The following ARRB1 variants were observed in gnomAD, a reference collection of about 807,000 sequenced individuals.
ARRB1 encodes the protein beta-arrestin-1.
In ARRB1, 21 loss-of-function variants were observed where a neutral mutation model predicts 56.8. The ratio of observed to expected loss-of-function variants is 0.37; its 90% CI spans 0.26 to 0.53. ARRB1 has a LOEUF of 0.53. Among genes scored for constraint, ARRB1 ranks in the 20% least tolerant of loss-of-function variants. ARRB1 has a pLI of 0.88. For missense variants in ARRB1, 424 were observed against 553.7 expected (o/e 0.77, Z 2.35); for synonymous variants, 210 against 218.6 (o/e 0.96, Z 0.35).
At chr11:75,334,565 CCCAGGACAAG>C (rs1391018615) in intron 1 of ARRB1, among the ~76,000 whole-genome samples, 2 of 152,200 alleles carry the variant, frequency 1.3e-5, no homozygotes, top group Non-Finnish European at 2.9e-5. Context: ...TTCCTGAGCT[CCCAGGACAAG>C]CCTGGGGCTA....
chr11:75,272,694 G>A lies in ARRB1; in HGVS notation c.998+201C>T. 3 of 580,032 alleles carry A rather than the reference G, an allele frequency of 5.2e-6. No homozygotes were observed. In the South Asian group the frequency reaches 6.1e-5, roughly 12 times the overall value. 35.9% of individuals were successfully genotyped at this position (580,032 alleles called of 1,614,324 possible). ...GATGGGTGGGGGTAAGAGAGGGGCT[G>A]AGGGCCAAGGAAGGAAGAGAGGGAA... On this transcript the variant is annotated intron_variant, in intron 12 of 15. Coordinates refer to ENST00000420843, the MANE Select transcript of ARRB1 (RefSeq NM_004041.5).
At chr11:75,306,766 TC>T (rs1436401410) in intron 1 of ARRB1, 2 of 929,040 alleles carry the variant, frequency 2.2e-6, no homozygotes, top group East Asian at 1.2e-4. Flanking sequence ...CTGATACGCG[TC>T]CTGTTTCCTC....
At chr11:75,317,512 A>G (rs894388200) in intron 1 of ARRB1, among the ~76,000 whole-genome samples, 2 of 152,134 alleles carry the variant, frequency 1.3e-5, no homozygotes, top group African/African-American at 4.8e-5. Flanking sequence ...GTGAGCTGCA[A>G]CTAGGTCAGA....
intron 1 of ARRB1, among the ~76,000 whole-genome samples, chr11:75,338,375 A>T (rs1263427273): frequency 1.3e-5 from 2 of 152,144 alleles, no homozygotes; most frequent in Non-Finnish European, 2.9e-5. Context: ...TGAGGAGAAC[A>T]GTACTTTGGG....
intron 5 of ARRB1, 58 bp from the exon 6 acceptor site, chr11:75,282,079 G>A: frequency 6.3e-7 from 1 of 1,583,426 alleles, no homozygotes; most frequent in East Asian, 2.2e-5. Flanking sequence ...CCTGTCTCAT[G>A]TATTGCAGCC....
intron 1 of ARRB1, among the ~76,000 whole-genome samples, chr11:75,332,083 A>G (rs1947531415): frequency 8.5e-6 from 1 of 117,338 alleles, no homozygotes; most frequent in Admixed American, 8.3e-5. Context: ...TTTAACTGTA[A>G]TTTTCCACTA....
rs755982071 is a variant in ARRB1, at chr11:75,281,048, C to T, written c.482+27G>A. 8.2e-6 allele frequency: 13 copies of T among 1,588,056 alleles called. No individual in the cohort carries two copies. In the South Asian group the frequency reaches 9.2e-5, roughly 11 times the overall value. ...CTGTCTCCCTCCCTCACCCAGCAGGCGGCCCACACCCTGGCATCCTACTCA... is the reference window on the plus strand; with the variant it reads ...CTGTCTCCCTCCCTCACCCAGCAGGTGGCCCACACCCTGGCATCCTACTCA... On this transcript the variant is annotated intron_variant, in intron 7 of 15. Coordinates refer to ENST00000420843, the MANE Select transcript of ARRB1 (RefSeq NM_004041.5).
chr11:75,300,202 C>CAAAA (rs10557397), intron 1 of ARRB1, among the ~76,000 whole-genome samples: 32 of 87,246 alleles, frequency 3.7e-4, no homozygotes, highest in East Asian at 9.4e-4. Flanking sequence ...GACTCTGTCT[C>CAAAA]AAAAAAAAAA....
At chr11:75,293,727 G>A (rs1379027693) in intron 1 of ARRB1, among the ~76,000 whole-genome samples, 1 of 152,132 alleles carries the variant, frequency 6.6e-6, no homozygotes, top group African/African-American at 2.4e-5. Flanking sequence ...ACCGCCCAGG[G>A]TAGCTCAAGA....
chr11:75,330,514 T>C (rs1947505340), intron 1 of ARRB1, among the ~76,000 whole-genome samples: 1 of 152,134 alleles, frequency 6.6e-6, no homozygotes. Context: ...TTGCTTTGCT[T>C]GTAATTAATT....
chr11:75,269,044 C>T, intron 13 of ARRB1, 85 bp from the exon 14 acceptor site: 2 of 1,457,910 alleles, frequency 1.4e-6, no homozygotes, highest in East Asian at 2.3e-5. Context: ...AGTCCGAGGA[C>T]TGCAGAGGGT....
At chr11:75,338,171 A>G (rs188537489) in intron 1 of ARRB1, among the ~76,000 whole-genome samples, 51 of 152,126 alleles carry the variant, frequency 3.4e-4, no homozygotes, top group African/African-American at 1.1e-3. Flanking sequence ...AGTGCCACCT[A>G]GAGAATGGGG....
At chr11:75,324,082 G>C (rs1947389780) in intron 1 of ARRB1, among the ~76,000 whole-genome samples, 1 of 152,210 alleles carries the variant, frequency 6.6e-6, no homozygotes, top group African/African-American at 2.4e-5. Context: ...AAAAGTGTTA[G>C]AAATGTTGTT....
intron 1 of ARRB1, among the ~76,000 whole-genome samples, chr11:75,348,804 G>T (rs1027140658): frequency 6.6e-6 from 1 of 152,050 alleles, no homozygotes; most frequent in African/African-American, 2.4e-5. Context: ...TGCCCAGACT[G>T]GTCTCGAACT....
chr11:75,336,987 GAA>G (rs1947615266), intron 1 of ARRB1, among the ~76,000 whole-genome samples: 1 of 152,210 alleles, frequency 6.6e-6, no homozygotes, highest in South Asian at 2.1e-4. Flanking sequence ...TATGGAGATA[GAA>G]AAAGATAGAC....
intron 1 of ARRB1, among the ~76,000 whole-genome samples, chr11:75,334,433 T>C (rs967103137): frequency 1.1e-4 from 17 of 152,222 alleles, no homozygotes; most frequent in African/African-American, 3.1e-4. Context: ...CAGCAGCTTG[T>C]ATCCCAGAGC....
chr11:75,348,412 C>T (rs751330698), intron 1 of ARRB1, among the ~76,000 whole-genome samples: 11 of 152,110 alleles, frequency 7.2e-5, no homozygotes, highest in Non-Finnish European at 8.8e-5. Flanking sequence ...TGTCATCCTG[C>T]GTTATGACCA....
At chr11:75,343,671 C>T (rs1947723010) in intron 1 of ARRB1, among the ~76,000 whole-genome samples, 1 of 152,204 alleles carries the variant, frequency 6.6e-6, no homozygotes, top group Non-Finnish European at 1.5e-5. Flanking sequence ...ACCAGGAAAT[C>T]TGGTTCTTCC....
At chr11:75,307,046 C>T (rs1947050062) in intron 1 of ARRB1, among the ~76,000 whole-genome samples, 1 of 152,164 alleles carries the variant, frequency 6.6e-6, no homozygotes, top group Non-Finnish European at 1.5e-5. Flanking sequence ...ATCAGAGGAT[C>T]CCATACAGAC....
Sources: gnomAD v4.1 joint callset for allele counts (sites outside exome capture counted in the v4.1 genomes callset) on GRCh38, gnomAD v4.1.1 for gene constraint, MANE v1.5 for transcripts, NCBI Gene and HGNC (gene_info 2026-07-23, HGNC 2026-07-21) for gene names.